Variants in VAV3 observed in about 807,000 individuals in gnomAD.
VAV3 encodes the protein vav guanine nucleotide exchange factor 3, also known as guanine nucleotide exchange factor VAV3.
A neutral mutation model predicts 131.2 loss-of-function variants in VAV3; 94 were observed. The ratio of observed to expected loss-of-function variants is 0.72; its 90% confidence interval spans 0.61 to 0.85. The LOEUF is 0.85. Ranked by LOEUF, VAV3 falls within the 40% of genes least tolerant of loss-of-function variation. VAV3 has a pLI of 0.00. For missense variants in VAV3, 939 were observed against 1,002.7 expected (o/e 0.94, Z 0.86); for synonymous variants, 349 against 342.0 (o/e 1.02, Z -0.22).
chr1:107,740,309 T>G (rs1662936773), intron 15 of VAV3, among the ~76,000 whole-genome samples: 2 of 151,924 alleles, frequency 1.3e-5, no homozygotes, highest in African/African-American at 4.8e-5. Context: ...AAATGCTTCT[T>G]GTTGATATGG....
intron 1 of VAV3, among the ~76,000 whole-genome samples, chr1:107,927,095 T>C (rs993670225): frequency 6.6e-6 from 1 of 152,156 alleles, no homozygotes; most frequent in Non-Finnish European, 1.5e-5. Flanking sequence ...TTGTCTTGCA[T>C]CTTGGATACC....
At chr1:107,639,162 C>CAA (rs148064570) in intron 20 of VAV3, among the ~76,000 whole-genome samples, 3 of 150,368 alleles carry the variant, frequency 2.0e-5, no homozygotes, top group Admixed American at 1.3e-4. Context: ...GTACCATATA[C>CAA]AAAAAAAAAC....
intron 17 of VAV3, among the ~76,000 whole-genome samples, chr1:107,689,963 G>C (rs2101776731): frequency 6.6e-6 from 1 of 152,210 alleles, no homozygotes; most frequent in Admixed American, 6.5e-5. Flanking sequence ...CCCTACTGGT[G>C]AGTTAGAGCC....
intron 20 of VAV3, among the ~76,000 whole-genome samples, chr1:107,622,325 C>T (rs563555323): frequency 1.3e-5 from 2 of 152,254 alleles, no homozygotes; most frequent in Non-Finnish European, 2.9e-5. Context: ...TCACAATCTA[C>T]CTGTACAGAG....
chr1:107,783,270 A>G (rs1665794636), intron 2 of VAV3, among the ~76,000 whole-genome samples: 1 of 152,168 alleles, frequency 6.6e-6, no homozygotes, highest in South Asian at 2.1e-4. Flanking sequence ...GCCTTTTTAA[A>G]GCAAAGTGAA....
At chr1:107,864,540 TTCAG>T (rs1268699335) in intron 2 of VAV3, among the ~76,000 whole-genome samples, 1 of 152,172 alleles carries the variant, frequency 6.6e-6, no homozygotes, top group Non-Finnish European at 1.5e-5. Context: ...GAAGGATTGC[TTCAG>T]TCAGAGAGAA....
At chr1:107,625,041 T>C (rs1031618691) in intron 20 of VAV3, among the ~76,000 whole-genome samples, 12 of 152,080 alleles carry the variant, frequency 7.9e-5, no homozygotes, top group African/African-American at 2.9e-4. Context: ...CTTGAATAGG[T>C]CATTCAACCC....
chr1:107,826,207 A>G (rs959362262), intron 2 of VAV3, among the ~76,000 whole-genome samples: 23 of 152,112 alleles, frequency 1.5e-4, no homozygotes, highest in Non-Finnish European at 4.4e-5. Flanking sequence ...CATTTACTAT[A>G]TTGTAAATCC....
chr1:107,781,572 G>C (rs1027499085), intron 2 of VAV3, among the ~76,000 whole-genome samples: 1 of 152,096 alleles, frequency 6.6e-6, no homozygotes, highest in African/African-American at 2.4e-5. Flanking sequence ...AAACAAAAGA[G>C]AAGGGAGCAA....
Position 107,757,143 on chromosome 1 carries a change from ATGTGTGTATATGTG to A in VAV3, c.1086+104_1086+117del, listed in dbSNP as rs1271006867. 6.5e-6 allele frequency: 4 copies of A among 614,336 alleles called. No homozygotes were observed. In the African/African-American group the frequency reaches 9.9e-5, roughly 15 times the overall value. The allele number at this position is 614,336 out of a possible 1,614,324, so 38.1% of individuals were successfully genotyped here. On this transcript the variant is annotated intron_variant, in intron 11 of 26. Transcript: ENST00000370056. ...TATATATATATGTTTGTGTATATATATGTGTGTATATGTGTGTGTGTGTGTGTGTGTGTGTGTGT... is the reference window on the plus strand; with the variant it reads ...TATATATATATGTTTGTGTATATATATGTGTGTGTGTGTGTGTGTGTGTGT...
At chr1:107,800,853 T>C (rs1439377420) in intron 2 of VAV3, among the ~76,000 whole-genome samples, 1 of 152,172 alleles carries the variant, frequency 6.6e-6, no homozygotes, top group Admixed American at 6.6e-5. Context: ...ATCTTTGCTT[T>C]GGCTGCCTGT....
intron 2 of VAV3, among the ~76,000 whole-genome samples, chr1:107,854,908 G>T (rs561637990): frequency 6.6e-6 from 1 of 152,164 alleles, no homozygotes. Context: ...TCCCACAATG[G>T]TGTTCCTGCT....
At chr1:107,851,896 T>A (rs990916072) in intron 2 of VAV3, among the ~76,000 whole-genome samples, 3 of 152,212 alleles carry the variant, frequency 2.0e-5, no homozygotes, top group Admixed American at 2.0e-4. Flanking sequence ...CTGATTTTTT[T>A]AAAAAAGTTT....
chr1:107,618,581 A>G (rs186485041), intron 20 of VAV3, among the ~76,000 whole-genome samples: 86 of 152,296 alleles, frequency 5.6e-4, no homozygotes, highest in Non-Finnish European at 1.1e-3. Flanking sequence ...TGAATCCTTA[A>G]TATGTGCTAG....
intron 12 of VAV3, among the ~76,000 whole-genome samples, chr1:107,752,317 C>T (rs1053371953): frequency 2.0e-5 from 3 of 152,144 alleles, no homozygotes; most frequent in South Asian, 4.1e-4. Flanking sequence ...CCTTCATTAC[C>T]TTACACCATA....
chr1:107,716,429 A>G (rs900486553), intron 15 of VAV3, among the ~76,000 whole-genome samples: 1 of 152,182 alleles, frequency 6.6e-6, no homozygotes, highest in African/African-American at 2.4e-5. Context: ...GGAGTTTGAG[A>G]GTTTTTAGCA....
At chr1:107,594,345 T>TAC (rs1651200526) in intron 25 of VAV3, among the ~76,000 whole-genome samples, 1 of 152,120 alleles carries the variant, frequency 6.6e-6, no homozygotes, top group African/African-American at 2.4e-5. Context: ...AGGTGTTTAA[T>TAC]ATATATCTGT....
chr1:107,703,379 C>T (rs903696889), intron 17 of VAV3, among the ~76,000 whole-genome samples: 12 of 152,190 alleles, frequency 7.9e-5, no homozygotes, highest in African/African-American at 2.4e-4. Context: ...ATAAGCAATC[C>T]GACCCCCATC....
At chr1:107,586,769 G>C (rs1650529906) in intron 25 of VAV3, among the ~76,000 whole-genome samples, 1 of 151,958 alleles carries the variant, frequency 6.6e-6, no homozygotes, top group Admixed American at 6.6e-5. Context: ...AGAGTATATA[G>C]TATATTTATT....
Sources: gnomAD v4.1 joint callset for allele counts (sites outside exome capture counted in the v4.1 genomes callset) on GRCh38, gnomAD v4.1.1 for gene constraint, MANE v1.5 for transcripts, NCBI Gene and HGNC (gene_info 2026-07-23, HGNC 2026-07-21) for gene names.